The following SFMBT2 variants were observed in gnomAD, a reference collection of about 807,000 sequenced individuals.
The protein encoded by SFMBT2 is Scm like with four mbt domains 2.
SFMBT2 carries 38 observed loss-of-function variants against 110.1 expected under a neutral mutation model. That is an observed-to-expected ratio of 0.35 (90% CI 0.27 to 0.45). The LOEUF (loss-of-function observed/expected upper bound fraction) is 0.45. SFMBT2 is among the 20% of genes least tolerant of loss of function. The pLI is 1.00. For missense variants in SFMBT2, 1,011 were observed against 1,094.9 expected (o/e 0.92, Z 1.08); for synonymous variants, 425 against 425.4 (o/e 1.00, Z 0.01).
rs766023947 is a variant in SFMBT2, at chr10:7,172,538, T to C, written c.2108A>G (p.Lys703Arg). Residue 703 changes from lysine (K) to arginine (R), a missense_variant, in exon 18 of 21, where the codon AAA becomes AGA. Physicochemically the swap from Lys to Arg is conservative, Grantham distance 26. Coordinates refer to ENST00000397167, the MANE Select transcript of SFMBT2 (RefSeq NM_001387889.1). The surrounding 1 kb of genome is among the most constrained non-coding windows in gnomAD (Gnocchi z 4.6). The stretch of plus-strand genomic sequence containing the variant: ...GAAGTCCACGGCAGAAGACCTCCGT[T>C]TCTTCTGCACGAAAATGGATTTCCG... ...KRRKSIFVQK[K>R]RRSSAVDFTA... 13 of 1,614,182 alleles carry C rather than the reference T, an allele frequency of 8.1e-6. No homozygotes were observed. Among genetic ancestry groups the C allele is most frequent in the Non-Finnish European group, 1.0e-5 (12 of 1,180,024 alleles).
intron 16 of SFMBT2, 152 bp from the exon 17 acceptor site, chr10:7,176,317 G>T: frequency 9.5e-7 from 1 of 1,050,096 alleles, no homozygotes. Flanking sequence ...ATTTCTCACA[G>T]AGATATTTAT....
At chr10:7,241,306 A>AATG in intron 9 of SFMBT2, 1 of 978,640 alleles carries the variant, frequency 1.0e-6, no homozygotes, top group Non-Finnish European at 1.2e-6. Flanking sequence ...ACACTGAACT[A>AATG]ATGATATTTA....
At chr10:7,174,807 CG>C (rs780658735) in intron 17 of SFMBT2, among the ~76,000 whole-genome samples, 7 of 152,202 alleles carry the variant, frequency 4.6e-5, no homozygotes, top group Non-Finnish European at 8.8e-5. Context: ...CAAGCTCTTC[CG>C]GAACCAGGTG....
In SFMBT2 at chr10:7,176,021, C is replaced by G; in HGVS notation, c.1953G>C (p.Glu651Asp). The change falls in exon 17 of 21, where the codon GAG becomes GAC. Residue 651 changes from glutamate (E) to aspartate (D), a missense_variant. Physicochemically the swap from Glu to Asp is conservative, Grantham distance 45 (BLOSUM62 2). Coordinates refer to ENST00000397167, the MANE Select transcript of SFMBT2 (RefSeq NM_001387889.1). ...SPVLISENCP[E>D]NCSIHTKTKY... is the part of the protein sequence containing the mutation. Reference sequence around the variant, plus strand: ...TGGTTTTGGTATGAATGGAGCAGTTCTCTGGGCAGTTTTCAGATATCAGCA... The same window carrying G: ...TGGTTTTGGTATGAATGGAGCAGTTGTCTGGGCAGTTTTCAGATATCAGCA... 1 of 1,614,152 alleles carries G rather than the reference C, an allele frequency of 6.2e-7. No individual in the cohort carries two copies. Among genetic ancestry groups the G allele is most frequent in the South Asian group, 1.1e-5 (1 of 91,084 alleles).
intron 1 of SFMBT2, among the ~76,000 whole-genome samples, chr10:7,399,893 T>A (rs1846026491): frequency 6.6e-6 from 1 of 152,244 alleles, no homozygotes; most frequent in East Asian, 1.9e-4. Context: ...GAGGAAACAA[T>A]AGAGCATCCA....
In SFMBT2 at chr10:7,408,037, C is replaced by T. The variant is rs1434978721; in HGVS notation, c.-52+2824G>A. On this transcript the variant is annotated intron_variant, in intron 1 of 20. Coordinates refer to ENST00000397167, the MANE Select transcript of SFMBT2 (RefSeq NM_001387889.1). The surrounding 1 kb of genome is among the most constrained non-coding windows in gnomAD (Gnocchi z 5.7). Reference sequence around the variant, plus strand: ...AACCCTGTGGAATGTTCTTTGTAATCAACTGTACATCCGCTTCCACGGCAC... The same window carrying T: ...AACCCTGTGGAATGTTCTTTGTAATTAACTGTACATCCGCTTCCACGGCAC... Among the ~76,000 whole-genome samples, 5 of 152,286 alleles carry T rather than the reference C, an allele frequency of 3.3e-5. No individual in the cohort carries two copies. The highest frequency in any genetic ancestry group is 1.2e-4 in the African/African-American group (5 of 41,478).
chr10:7,191,378 G>A (rs929302163), intron 15 of SFMBT2, among the ~76,000 whole-genome samples: 3 of 152,128 alleles, frequency 2.0e-5, no homozygotes, highest in Admixed American at 1.3e-4. Context: ...TCACCCTGCC[G>A]GCAGGGGCTT....
Position 7,257,888 on chromosome 10 carries a change from T to A in SFMBT2, c.871-9239A>T, listed in dbSNP as rs577543435. On this transcript the variant is annotated intron_variant, in intron 7 of 20. Coordinates refer to ENST00000397167, the MANE Select transcript of SFMBT2 (RefSeq NM_001387889.1). ...AAAATTAAAATGTACTTGGTGAGGATTTTCATGTAAAAACAAAAAAGGCAG... is the reference window on the plus strand; with the variant it reads ...AAAATTAAAATGTACTTGGTGAGGAATTTCATGTAAAAACAAAAAAGGCAG... Among the ~76,000 whole-genome samples, 73 of 152,228 alleles carry A rather than the reference T, an allele frequency of 4.8e-4. No individual in the cohort carries two copies. In the South Asian group the frequency reaches 0.014, roughly 28 times the overall value.
At chr10:7,315,800 A>G (rs1036130844) in intron 4 of SFMBT2, among the ~76,000 whole-genome samples, 19 of 152,170 alleles carry the variant, frequency 1.2e-4, no homozygotes, top group African/African-American at 4.6e-4. Flanking sequence ...TTCCTCTCTG[A>G]TCCTCGGTTT....
Position 7,172,030 on chromosome 10 carries a change from G to T in SFMBT2, c.2280C>A (p.Ala760=). 1 of 1,586,462 alleles carries T rather than the reference G, an allele frequency of 6.3e-7. No homozygotes were observed. The change falls in exon 19 of 21, where the codon GCC becomes GCA. Residue 760 remains alanine, a synonymous_variant. Coordinates refer to ENST00000397167, the MANE Select transcript of SFMBT2 (RefSeq NM_001387889.1). This position sits in a 1 kb window ranked among gnomAD's most constrained non-coding sequence, Gnocchi z 4.6. The part of the protein sequence containing the change: ...AEVPSARPRR[A]VTLRSGSEPV... ...GCTCTGAGCCGCTCCGCAGGGTGAC[G>T]GCCCTCCGGGGCCGGGCCGAGGGCA... is the stretch of plus-strand genomic sequence containing the variant.
intron 1 of SFMBT2, among the ~76,000 whole-genome samples, chr10:7,410,262 C>CA (rs1846336701): frequency 6.6e-6 from 1 of 152,252 alleles, no homozygotes; most frequent in African/African-American, 2.4e-5. Context: ...GTTGCTCAGG[C>CA]AAATGTTTCC....
chr10:7,245,999 T>C (rs1348301595), intron 8 of SFMBT2: 1 of 174,600 alleles, frequency 5.7e-6, no homozygotes, highest in African/African-American at 2.4e-5. Flanking sequence ...TTAATTATTA[T>C]AAATATCTTC....
chr10:7,320,575 C>A (rs1843155917), intron 4 of SFMBT2: 1 of 984,016 alleles, frequency 1.0e-6, no homozygotes. Flanking sequence ...TTGCAGAGAA[C>A]AGTAAAGTCA....
chr10:7,180,133 C>CTTTTTTTTTT (rs34158255), intron 16 of SFMBT2, among the ~76,000 whole-genome samples: 2 of 128,990 alleles, frequency 1.6e-5, no homozygotes, highest in Admixed American at 7.7e-5. Context: ...CTTTTTTTTG[C>CTTTTTTTTTT]TTTTTTTGAG....
chr10:7,175,627 A>G, intron 17 of SFMBT2, among the ~76,000 whole-genome samples: 1 of 152,206 alleles, frequency 6.6e-6, no homozygotes, highest in Non-Finnish European at 1.5e-5. Context: ...TAAGGACTGA[A>G]AGAGTCATCT....
At chr10:7,355,597 G>A (rs1357523145) in intron 4 of SFMBT2, among the ~76,000 whole-genome samples, 2 of 152,226 alleles carry the variant, frequency 1.3e-5, no homozygotes, top group Admixed American at 6.5e-5. Flanking sequence ...TGGATCACAA[G>A]ATCAGGAGTT....
intron 2 of SFMBT2, among the ~76,000 whole-genome samples, chr10:7,374,634 G>T (rs187666448): frequency 6.6e-5 from 10 of 152,296 alleles, no homozygotes; most frequent in African/African-American, 1.9e-4. Context: ...GTGCCACTGT[G>T]TCTCCCCTGC....
chr10:7,300,736 A>G (rs1399664538), intron 4 of SFMBT2, among the ~76,000 whole-genome samples: 2 of 152,274 alleles, frequency 1.3e-5, no homozygotes, highest in African/African-American at 4.8e-5. Flanking sequence ...GCAGAAATCT[A>G]ATAAACAATT....
At position 7,367,674 on chromosome 10, in the gene SFMBT2, G is replaced by A; in HGVS notation, c.411C>T (p.Asn137=). The part of the protein sequence containing the change: ...DLHPVGWCTQ[N]NKVLMPPDAI... Reference sequence around the variant, plus strand: ...CGTCCGGCGGCATCAACACCTTGTTGTTCTGTGTGCACCACCCCACGGGGT... The same window carrying A: ...CGTCCGGCGGCATCAACACCTTGTTATTCTGTGTGCACCACCCCACGGGGT... Residue 137 remains asparagine (N), a synonymous_variant, in exon 4 of 21, where the codon AAC becomes AAT. Transcript: ENST00000397167. The surrounding 1 kb of genome is among the most constrained non-coding windows in gnomAD (Gnocchi z 6.2). 6.2e-7 allele frequency: 1 copy of A among 1,613,286 alleles called. No individual in the cohort carries two copies. The highest frequency in any genetic ancestry group is 1.1e-5 in the South Asian group (1 of 91,050).
Sources: gnomAD v4.1 joint callset for allele counts (sites outside exome capture counted in the v4.1 genomes callset) on GRCh38, gnomAD v4.1.1 for gene constraint, Gnocchi (gnomAD v3.1) non-coding constraint, MANE v1.5 for transcripts, NCBI Gene and HGNC (gene_info 2026-07-23, HGNC 2026-07-21) for gene names.